DCC: variants seen among roughly 807,000 people sequenced by gnomAD.
DCC encodes the protein DCC netrin 1 receptor.
A neutral mutation model predicts 172.5 loss-of-function variants in DCC; 58 were observed. The ratio of observed to expected loss-of-function variants is 0.34; its 90% CI spans 0.27 to 0.42. The LOEUF (loss-of-function observed/expected upper bound fraction) is 0.42, where lower values mean the gene tolerates loss of function less well. Ranked by LOEUF, DCC falls within the 10% of genes least tolerant of loss-of-function variation. DCC has a pLI of 1.00. For missense variants in DCC, 1,740 were observed against 1,791.0 expected, an observed-to-expected ratio of 0.97 and a Z score of 0.51; for synonymous variants, 709 against 644.5, an observed-to-expected ratio of 1.10 and a Z score of -1.52.
chr18:52,379,059 G>A (rs1306825986), intron 1 of DCC, among the ~76,000 whole-genome samples: 1 of 152,116 alleles, frequency 6.6e-6, no homozygotes, highest in Admixed American at 6.6e-5. Flanking sequence ...AGCATCTTGT[G>A]CCTCATTATT....
chr18:53,109,250 T>A, intron 7 of DCC, among the ~76,000 whole-genome samples: 1 of 151,462 alleles, frequency 6.6e-6, no homozygotes, highest in East Asian at 2.0e-4. Flanking sequence ...GTTTTCCATG[T>A]GTATTGAATC....
intron 27 of DCC, among the ~76,000 whole-genome samples, chr18:53,502,515 C>A (rs1267834754): frequency 4.6e-5 from 7 of 152,140 alleles, no homozygotes; most frequent in Admixed American, 4.6e-4. Flanking sequence ...GCTTCTTAGA[C>A]TTAAAGATGA....
chr18:53,303,784 C>A (rs2057168128), intron 12 of DCC, among the ~76,000 whole-genome samples: 1 of 152,182 alleles, frequency 6.6e-6, no homozygotes, highest in African/African-American at 2.4e-5. Context: ...GCTCTGCCAT[C>A]TGCAGACAGC....
chr18:52,648,752 T>C (rs1006681905), intron 1 of DCC, among the ~76,000 whole-genome samples: 43 of 152,116 alleles, frequency 2.8e-4, no homozygotes, highest in Admixed American at 1.2e-3. Context: ...AATTACAGCC[T>C]TAAGGGCAAA....
chr18:52,566,668 G>A (rs1239742697), intron 1 of DCC, among the ~76,000 whole-genome samples: 1 of 152,120 alleles, frequency 6.6e-6, no homozygotes, highest in Non-Finnish European at 1.5e-5. Flanking sequence ...TGGGGCTACA[G>A]CAGCTTTTTG....
intron 1 of DCC, among the ~76,000 whole-genome samples, chr18:52,570,206 G>A (rs571459568): frequency 3.9e-5 from 6 of 152,252 alleles, no homozygotes; most frequent in East Asian, 1.9e-4. Flanking sequence ...TGAAGTAGCC[G>A]TAATTACACA....
At chr18:52,364,997 A>G (rs1428233138) in intron 1 of DCC, among the ~76,000 whole-genome samples, 4 of 152,184 alleles carry the variant, frequency 2.6e-5, no homozygotes, top group Non-Finnish European at 5.9e-5. Context: ...TAAAAGAAAT[A>G]AATCTCATTG....
At chr18:53,095,557 T>C (rs2043073438) in intron 7 of DCC, among the ~76,000 whole-genome samples, 1 of 152,182 alleles carries the variant, frequency 6.6e-6, no homozygotes, top group Non-Finnish European at 1.5e-5. Context: ...AGTGAAAGCA[T>C]CAATGAATTT....
chr18:52,408,765 A>G (rs544565003), intron 1 of DCC, among the ~76,000 whole-genome samples: 2 of 152,250 alleles, frequency 1.3e-5, no homozygotes, highest in South Asian at 2.1e-4. Context: ...TGTATTAACT[A>G]TTAGATTTTC....
At chr18:53,007,470 G>T (rs1358372788) in intron 5 of DCC, among the ~76,000 whole-genome samples, 1 of 151,976 alleles carries the variant, frequency 6.6e-6, no homozygotes, top group Non-Finnish European at 1.5e-5. Flanking sequence ...TAAGAGCTGA[G>T]GTAGCAACTG....
intron 5 of DCC, among the ~76,000 whole-genome samples, chr18:52,964,563 CT>C (rs1415567819): frequency 6.6e-6 from 1 of 151,996 alleles, no homozygotes; most frequent in Non-Finnish European, 1.5e-5. Flanking sequence ...GTTTGAGGGA[CT>C]GTGGGTACTA....
At position 52,340,208 on chromosome 18, in the gene DCC, G is replaced by A. The variant is rs1046514586; in HGVS notation, c.-580G>A. ...CCAACTCCCAGCTCGCACACCGCTGGCGGACACCCCAGTAACAAGTGAGAG... is the reference window on the plus strand; with the variant it reads ...CCAACTCCCAGCTCGCACACCGCTGACGGACACCCCAGTAACAAGTGAGAG... On this transcript the variant is annotated 5_prime_UTR_variant, in exon 1 of 29. Coordinates refer to ENST00000442544, the MANE Select transcript of DCC (RefSeq NM_005215.4). The A allele has an allele frequency of 4.6e-5, 8 of 173,206 alleles. No homozygotes were observed. Among genetic ancestry groups the A allele is most frequent in the Non-Finnish European group, 1.0e-4 (8 of 79,152 alleles). 10.7% of individuals were successfully genotyped at this position (173,206 alleles called of 1,614,324 possible).
intron 5 of DCC, among the ~76,000 whole-genome samples, chr18:53,054,457 A>G (rs1055650895): frequency 6.6e-6 from 1 of 152,158 alleles, no homozygotes; most frequent in African/African-American, 2.4e-5. Context: ...AATTATTTCC[A>G]GCCACTATAT....
intron 2 of DCC, among the ~76,000 whole-genome samples, chr18:52,888,599 T>G (rs780622988): frequency 1.3e-5 from 2 of 152,114 alleles, no homozygotes; most frequent in Non-Finnish European, 2.9e-5. Flanking sequence ...AGTGTTCTAT[T>G]CTATAAAGGC....
intron 5 of DCC, among the ~76,000 whole-genome samples, chr18:52,928,693 G>C (rs1220527067): frequency 6.6e-6 from 1 of 152,146 alleles, no homozygotes; most frequent in Admixed American, 6.6e-5. Flanking sequence ...CGTAGGTCGA[G>C]CCCATTAGAT....
chr18:52,612,802 G>T (rs2034300120), intron 1 of DCC, among the ~76,000 whole-genome samples: 1 of 152,074 alleles, frequency 6.6e-6, no homozygotes, highest in Non-Finnish European at 1.5e-5. Context: ...TAAACATTTT[G>T]CCATTTTTGC....
chr18:53,322,727 A>G (rs1380846231), intron 14 of DCC, among the ~76,000 whole-genome samples: 1 of 151,714 alleles, frequency 6.6e-6, no homozygotes, highest in African/African-American at 2.4e-5. Context: ...ATTAAATATA[A>G]GCATAATCCT....
chr18:52,918,255 C>T (rs1336860417), intron 3 of DCC, among the ~76,000 whole-genome samples: 1 of 152,082 alleles, frequency 6.6e-6, no homozygotes, highest in Non-Finnish European at 1.5e-5. Flanking sequence ...ATTCTATTAG[C>T]TGAATAATTG....
intron 12 of DCC, among the ~76,000 whole-genome samples, chr18:53,273,969 G>A (rs1015263858): frequency 2.0e-5 from 3 of 151,964 alleles, no homozygotes; most frequent in Non-Finnish European, 2.9e-5. Context: ...AGGCGAGCCT[G>A]AGGAAAAGAG....
Sources: gnomAD v4.1 joint callset for allele counts (sites outside exome capture counted in the v4.1 genomes callset) on GRCh38, gnomAD v4.1.1 for gene constraint, MANE v1.5 for transcripts, NCBI Gene and HGNC (gene_info 2026-07-23, HGNC 2026-07-21) for gene names.